The following KSR2 variants were observed in gnomAD, a reference collection of about 807,000 sequenced individuals.
KSR2 encodes kinase suppressor of ras 2.
In KSR2, 25 loss-of-function variants were observed where a neutral mutation model predicts 107.8. That is an observed-to-expected ratio of 0.23 (90% CI 0.17 to 0.32). The LOEUF is 0.32. KSR2 is among the 10% of genes least tolerant of loss of function. The probability of loss-of-function intolerance (pLI) is 1.00; values close to 1 mark genes in which losing one functional copy is unlikely to be tolerated. For missense variants in KSR2, 887 were observed against 1,268.9 expected (o/e 0.70, Z 4.57); for synonymous variants, 480 against 507.0 (o/e 0.95, Z 0.71).
At chr12:117,685,501 G>C (rs1252476843) in intron 4 of KSR2, among the ~76,000 whole-genome samples, 1 of 152,188 alleles carries the variant, frequency 6.6e-6, no homozygotes, top group Non-Finnish European at 1.5e-5. Context: ...TGTCTCCCCG[G>C]GGCTGATGGT....
chr12:117,848,195 A>C (rs183573944), intron 3 of KSR2, among the ~76,000 whole-genome samples: 140 of 152,324 alleles, frequency 9.2e-4, no homozygotes, highest in Non-Finnish European at 1.8e-3. Context: ...GAGAGAGAAA[A>C]AGAACAGCAG....
rs75089288 is a variant in KSR2, at chr12:117,773,722, A to G, written c.473-12198T>C. On this transcript the variant is annotated intron_variant, in intron 3 of 19. Transcript: ENST00000339824. ...ATTAGGCTGAAGTCATTGGTAGAAG[A>G]AAAAAACTGTTTTTTGGTTTAAATC... 9.7e-3 allele frequency among the ~76,000 whole-genome samples: 1,472 copies of G among 152,322 alleles called. 28 individuals carry two copies. The highest frequency in any genetic ancestry group is 0.033 in the African/African-American group (1,388 of 41,578).
At chr12:117,653,507 T>G (rs1883990987) in intron 5 of KSR2, among the ~76,000 whole-genome samples, 1 of 152,224 alleles carries the variant, frequency 6.6e-6, no homozygotes, top group Admixed American at 6.5e-5. Flanking sequence ...GTCCATTACA[T>G]GATGACATTA....
chr12:117,761,579 A>T, intron 3 of KSR2, 55 bp from the exon 4 acceptor site: 1 of 1,544,022 alleles, frequency 6.5e-7, no homozygotes, highest in Non-Finnish European at 8.9e-7. Flanking sequence ...AAGCCAGGTG[A>T]GTTACACCAT....
chr12:117,481,907 C>T (rs1872196281), intron 16 of KSR2, among the ~76,000 whole-genome samples: 1 of 152,098 alleles, frequency 6.6e-6, no homozygotes, highest in South Asian at 2.1e-4. Context: ...ACTGAAGATG[C>T]CTTGTCATGA....
At chr12:117,714,503 C>G (rs1886906054) in intron 4 of KSR2, among the ~76,000 whole-genome samples, 1 of 152,170 alleles carries the variant, frequency 6.6e-6, no homozygotes, top group Non-Finnish European at 1.5e-5. Context: ...GGCAGAGAAC[C>G]TATTTTGTGC....
chr12:117,603,748 C>A (rs1741719813), intron 5 of KSR2, among the ~76,000 whole-genome samples: 1 of 151,984 alleles, frequency 6.6e-6, no homozygotes, highest in South Asian at 2.1e-4. Context: ...ACCAAGGGGA[C>A]CCCCCAAAAA....
chr12:117,936,978 T>C, intron 1 of KSR2, among the ~76,000 whole-genome samples: 1 of 152,182 alleles, frequency 6.6e-6, no homozygotes, highest in Non-Finnish European at 1.5e-5. Context: ...GGACGCCTCC[T>C]CCATCTGCCC....
intron 14 of KSR2, among the ~76,000 whole-genome samples, chr12:117,520,796 G>T (rs567504664): frequency 6.6e-6 from 1 of 152,130 alleles, no homozygotes; most frequent in African/African-American, 2.4e-5. Context: ...CCTCACCAGG[G>T]ATTCTATAAC....
Position 117,761,373 on chromosome 12 carries a change from G to A in KSR2, c.624C>T (p.His208=), listed in dbSNP as rs1889011291. The change falls in exon 4 of 20, where the codon CAC becomes CAT. Residue 208 remains histidine (H), a synonymous_variant. Transcript: ENST00000339824. ...SPRVPSKCVQ[H]YCHTSPTPGA... Reference sequence around the variant, plus strand: ...CGGGAGTGGGGCTGGTGTGACAATAGTGCTGGACGCACTTGGACGGGACCC... The same window carrying A: ...CGGGAGTGGGGCTGGTGTGACAATAATGCTGGACGCACTTGGACGGGACCC... 2 of 1,603,892 alleles carry A rather than the reference G, an allele frequency of 1.2e-6. No individual in the cohort carries two copies. Among genetic ancestry groups the A allele is most frequent in the African/African-American group, 1.3e-5 (1 of 74,092 alleles).
chr12:117,468,635 G>C (rs1871270580), intron 19 of KSR2, among the ~76,000 whole-genome samples: 1 of 152,190 alleles, frequency 6.6e-6, no homozygotes, highest in Non-Finnish European at 1.5e-5. Flanking sequence ...ACGCACACAG[G>C]TGGGAGTATC....
intron 5 of KSR2, among the ~76,000 whole-genome samples, chr12:117,655,714 T>G (rs1316632000): frequency 6.6e-6 from 1 of 152,204 alleles, no homozygotes; most frequent in East Asian, 1.9e-4. Flanking sequence ...AATTACCACC[T>G]GGACACTTTG....
intron 1 of KSR2, among the ~76,000 whole-genome samples, chr12:117,876,488 T>C (rs1302034162): frequency 6.6e-6 from 1 of 152,214 alleles, no homozygotes; most frequent in Non-Finnish European, 1.5e-5. Context: ...GTCTCACTAT[T>C]GCTGATGGTT....
intron 3 of KSR2, among the ~76,000 whole-genome samples, chr12:117,783,190 C>A (rs1029237658): frequency 2.6e-5 from 4 of 152,102 alleles, no homozygotes; most frequent in African/African-American, 9.7e-5. Flanking sequence ...CTAATTCAAC[C>A]CTTACAACGG....
Position 117,463,142 on chromosome 12 carries a change from G to T in KSR2, c.*4057C>A, listed in dbSNP as rs1385088840. The T allele has an allele frequency of 6.6e-6, 1 of 152,254 alleles. No homozygotes were observed. The highest frequency in any genetic ancestry group is 1.5e-5 in the Non-Finnish European group (1 of 68,082). 9.4% of individuals were successfully genotyped at this position (152,254 alleles called of 1,614,324 possible). ...GAAGAGTTTTAAAGTCCAGGGAGTT[G>T]GTCCAGCCTTCAGGGCCTGAATTGC... On this transcript the variant is annotated 3_prime_UTR_variant, in exon 20 of 20. Transcript: ENST00000339824.
intron 1 of KSR2, among the ~76,000 whole-genome samples, chr12:117,896,711 C>G (rs1431476827): frequency 1.3e-5 from 2 of 152,114 alleles, no homozygotes; most frequent in Non-Finnish European, 2.9e-5. Context: ...CCCTCTGCCT[C>G]GGCCTCCCAA....
chr12:117,917,269 A>G (rs1895206090), intron 1 of KSR2, among the ~76,000 whole-genome samples: 1 of 152,214 alleles, frequency 6.6e-6, no homozygotes, highest in South Asian at 2.1e-4. Context: ...GGCTGAGCAC[A>G]GTGGCTCATG....
intron 3 of KSR2, among the ~76,000 whole-genome samples, chr12:117,820,788 A>G (rs1566031820): frequency 6.6e-6 from 1 of 152,022 alleles, no homozygotes; most frequent in Non-Finnish European, 1.5e-5. Context: ...TGCTACCAGC[A>G]ATTCAGGACC....
intron 13 of KSR2, 69 bp downstream of exon 13, chr12:117,527,002 C>T (rs552069660): frequency 1.6e-5 from 22 of 1,342,994 alleles, no homozygotes; most frequent in African/African-American, 5.8e-5. Context: ...TCATCCAAAA[C>T]GTCAGTCGGC....
Sources: allele counts gnomAD v4.1 joint callset (sites outside exome capture counted in the v4.1 genomes callset), GRCh38; gene constraint gnomAD v4.1.1; transcripts MANE v1.5; gene names NCBI Gene and HGNC (gene_info 2026-07-23, HGNC 2026-07-21).